PCDHA2: variants seen among roughly 807,000 people sequenced by gnomAD.
PCDHA2 encodes protocadherin alpha 2.
In PCDHA2, 58 loss-of-function variants were observed where a neutral mutation model predicts 66.0. The ratio of observed to expected loss-of-function variants is 0.88; its 90% CI spans 0.71 to 1.09. The LOEUF (loss-of-function observed/expected upper bound fraction) is 1.09, where lower values mean the gene tolerates loss of function less well. PCDHA2 is among the 50% of genes least tolerant of loss of function. The pLI is 0.00. For missense variants in PCDHA2, 1,267 were observed against 1,242.3 expected (o/e 1.02, Z -0.30); for synonymous variants, 634 against 554.0 (o/e 1.14, Z -2.03).
chr5:140,850,725 G>A, intron 1 of PCDHA2: 1 of 1,597,982 alleles, frequency 6.3e-7, no homozygotes. Context: ...GTGTTCTAGC[G>A]CGGTGGGGAG....
At chr5:140,925,971 A>C (rs2082843743) in intron 1 of PCDHA2, among the ~76,000 whole-genome samples, 1 of 152,190 alleles carries the variant, frequency 6.6e-6, no homozygotes, top group African/African-American at 2.4e-5. Flanking sequence ...ACGCAAAAAA[A>C]AAGCCTTGAG....
intron 1 of PCDHA2, chr5:140,823,876 A>G: frequency 6.2e-7 from 1 of 1,613,886 alleles, no homozygotes; most frequent in Non-Finnish European, 8.5e-7. Context: ...GTACCTGATC[A>G]TCGCCATCTG....
chr5:140,891,044 CA>C (rs1406159323), intron 1 of PCDHA2, among the ~76,000 whole-genome samples: 9 of 152,030 alleles, frequency 5.9e-5, no homozygotes, highest in African/African-American at 2.2e-4. Flanking sequence ...GTGTGACCCC[CA>C]CAGCACATAG....
intron 1 of PCDHA2, among the ~76,000 whole-genome samples, chr5:140,971,278 ATATTAATATG>A (rs1408088373): frequency 6.6e-6 from 1 of 152,208 alleles, no homozygotes; most frequent in African/African-American, 2.4e-5. Context: ...ACTGACCTGT[ATATTAATATG>A]TACTTTGGTA....
At chr5:140,809,671 A>G (rs1554125342) in intron 1 of PCDHA2, 1 of 1,440,468 alleles carries the variant, frequency 6.9e-7, no homozygotes, top group African/African-American at 1.4e-5. Context: ...CTGGGTTAAA[A>G]TTTTACCTCT....
At chr5:140,802,381 T>G in intron 1 of PCDHA2, 1 of 1,614,240 alleles carries the variant, frequency 6.2e-7, no homozygotes, top group Non-Finnish European at 8.5e-7. Flanking sequence ...CACGTCCCCT[T>G]CAAGCTGGTG....
In PCDHA2 at chr5:140,897,967, T is replaced by G. The variant is rs1277557012; in HGVS notation, c.2389-80982T>G. On this transcript the variant is annotated intron_variant, in intron 1 of 3. Transcript: ENST00000526136. Reference sequence around the variant, plus strand: ...ATGATTAGCATTTTTTCATGTGTCTTTTGGCTGCATAAATGTCTTCTTTTG... The same window carrying G: ...ATGATTAGCATTTTTTCATGTGTCTGTTGGCTGCATAAATGTCTTCTTTTG... Among the ~76,000 whole-genome samples, 3 of 152,364 alleles carry G rather than the reference T, an allele frequency of 2.0e-5. No homozygotes were observed. In the East Asian group the frequency reaches 5.8e-4, roughly 29 times the overall value.
chr5:140,843,613 A>G, intron 1 of PCDHA2: 1 of 1,596,056 alleles, frequency 6.3e-7, no homozygotes, highest in Non-Finnish European at 8.6e-7. Context: ...GTGAGGGGCC[A>G]CCGAAGACGG....
chr5:140,906,595 C>T (rs1341854347), intron 1 of PCDHA2, among the ~76,000 whole-genome samples: 1 of 152,218 alleles, frequency 6.6e-6, no homozygotes, highest in Non-Finnish European at 1.5e-5. Context: ...CCTTCCTCTA[C>T]TACTCATTCT....
In PCDHA2 at chr5:140,883,789, C is replaced by T. The variant is rs782802452; in HGVS notation, c.2388+86437C>T. ...TGGGCGAGCGTGCGCTGTCGAGCTACGTGTCGGTGCACGCGGAGAGCGGCA... is the reference window on the plus strand; with the variant it reads ...TGGGCGAGCGTGCGCTGTCGAGCTATGTGTCGGTGCACGCGGAGAGCGGCA... On this transcript the variant is annotated intron_variant, in intron 1 of 3. Coordinates refer to ENST00000526136, the MANE Select transcript of PCDHA2 (RefSeq NM_018905.3). 1.4e-5 allele frequency: 22 copies of T among 1,612,296 alleles called. No homozygotes were observed. In the South Asian group the frequency reaches 2.0e-4, roughly 14 times the overall value.
At chr5:140,801,163 T>A in intron 1 of PCDHA2, 1 of 1,557,588 alleles carries the variant, frequency 6.4e-7, no homozygotes, top group Non-Finnish European at 8.7e-7. Flanking sequence ...TTTGGATCAA[T>A]GTAAAGGCAA....
chr5:140,971,236 G>A (rs1384010579), intron 1 of PCDHA2, among the ~76,000 whole-genome samples: 2 of 152,088 alleles, frequency 1.3e-5, no homozygotes, highest in East Asian at 3.9e-4. Flanking sequence ...AAAGCTTGGG[G>A]CAATTTGATA....
intron 1 of PCDHA2, chr5:140,834,498 G>A (rs2150219814): frequency 6.2e-7 from 1 of 1,614,130 alleles, no homozygotes; most frequent in East Asian, 2.2e-5. Flanking sequence ...CCCCGAGGAG[G>A]CTAAACATGG....
chr5:140,857,290 C>A (rs781985413), intron 1 of PCDHA2: 2 of 1,598,706 alleles, frequency 1.3e-6, no homozygotes, highest in South Asian at 1.1e-5. Flanking sequence ...CTCTGGACCG[C>A]GAGAGGGTGT....
intron 1 of PCDHA2, among the ~76,000 whole-genome samples, chr5:140,926,042 T>A (rs1316278838): frequency 2.0e-5 from 3 of 152,148 alleles, no homozygotes; most frequent in African/African-American, 7.2e-5. Context: ...CGGACACTAT[T>A]CCCCAACCTT....
At chr5:140,824,066 C>A (rs1554129713) in intron 1 of PCDHA2, 1 of 1,614,046 alleles carries the variant, frequency 6.2e-7, no homozygotes, top group African/African-American at 1.3e-5. Context: ...GAAGCTCCAC[C>A]CAAAACAGAC....
intron 3 of PCDHA2, among the ~76,000 whole-genome samples, chr5:140,986,799 CTTAG>C (rs782752084): frequency 3.9e-5 from 6 of 152,154 alleles, no homozygotes; most frequent in South Asian, 4.1e-4. Context: ...GGCAGTGAGT[CTTAG>C]TTAGAGAACT....
chr5:140,870,745 G>T (rs369212308), intron 1 of PCDHA2: 8 of 1,613,530 alleles, frequency 5.0e-6, no homozygotes, highest in Admixed American at 3.3e-5. Flanking sequence ...GAGCAGCAAC[G>T]TGACGCTGCA....
At chr5:140,941,202 C>CCTTCCTTTCTTT (rs1554213920) in intron 1 of PCDHA2, among the ~76,000 whole-genome samples, 197 of 122,808 alleles carry the variant, frequency 1.6e-3, no homozygotes, top group Admixed American at 2.9e-3. Flanking sequence ...TTTCTTTCTT[C>CCTTCCTTTCTTT]CTTTCTTTCT....
Sources: gnomAD v4.1 joint callset for allele counts (sites outside exome capture counted in the v4.1 genomes callset) on GRCh38, gnomAD v4.1.1 for gene constraint, MANE v1.5 for transcripts, NCBI Gene and HGNC (gene_info 2026-07-23, HGNC 2026-07-21) for gene names.